PTCD2: variants seen among roughly 807,000 people sequenced by gnomAD.
PTCD2 encodes pentatricopeptide repeat domain 2, also known as pentatricopeptide repeat-containing protein 2, mitochondrial.
Under a neutral mutation model 42.6 loss-of-function variants are expected in PTCD2, and 31 were observed. That is an observed-to-expected ratio of 0.73 (90% CI 0.55 to 0.98). The LOEUF (loss-of-function observed/expected upper bound fraction) is 0.98. Ranked by LOEUF, PTCD2 falls within the 50% of genes least tolerant of loss-of-function variation. The pLI, the probability that PTCD2 is intolerant of heterozygous loss-of-function variation, is 0.00. For missense variants in PTCD2, 476 were observed against 454.8 expected, an observed-to-expected ratio of 1.05 and a Z score of -0.42; for synonymous variants, 183 against 170.9, an observed-to-expected ratio of 1.07 and a Z score of -0.55.
In PTCD2 at chr5:72,331,293, A is replaced by C. The variant is rs779098730; in HGVS notation, c.386A>C (p.Glu129Ala). 6.2e-7 allele frequency: 1 copy of C among 1,613,788 alleles called. No homozygotes were observed. Among genetic ancestry groups the C allele is most frequent in the Non-Finnish European group, 8.5e-7 (1 of 1,179,804 alleles). Residue 129 changes from glutamate to alanine, a missense_variant, in exon 4 of 10, where the codon GAG (glutamate) becomes GCG (alanine). Physicochemically the swap from Glu to Ala is moderately radical, Grantham distance 107. Coordinates refer to ENST00000380639, the MANE Select transcript of PTCD2 (RefSeq NM_024754.5). Reference protein sequence around the residue: ...HAENKNFTLGEYKFGPLFVRL... With the variant: ...HAENKNFTLGAYKFGPLFVRL... ...GAGAACAAAAATTTCACTTTGGGGG[A>C]GTATAAATTTGGACCGCTTTTTGTG...
At chr5:72,320,662 G>A (rs1750777511) in intron 1 of PTCD2, 153 bp downstream of exon 1, 1 of 1,010,886 alleles carries the variant, frequency 9.9e-7, no homozygotes, top group Non-Finnish European at 1.5e-6. Context: ...TGGGTGCAGT[G>A]GTGACCACTG....
Position 72,331,358 on chromosome 5 carries a change from G to C in PTCD2, c.451G>C (p.Glu151Gln). Reference protein sequence around the residue: ...YELDLEESAVELMKDQHLRGF... With the variant: ...YELDLEESAVQLMKDQHLRGF... ...GTTGGATCTCGAGGAATCTGCAGTG[G>C]AGCTCATGAAAGACCAGGTTATTGT... Residue 151 changes from glutamate to glutamine, a missense_variant, in exon 4 of 10, where the codon GAG (glutamate) becomes CAG (glutamine). By Grantham distance (29) the Glu-to-Gln change is conservative. Coordinates refer to ENST00000380639, the MANE Select transcript of PTCD2 (RefSeq NM_024754.5). The C allele has an allele frequency of 6.2e-7, 1 of 1,611,922 alleles. No homozygotes were observed. Among genetic ancestry groups the C allele is most frequent in the Non-Finnish European group, 8.5e-7 (1 of 1,177,970 alleles).
At position 72,367,035 on chromosome 5, in the gene PTCD2, G is replaced by A; in HGVS notation, c.*8608G>A. 6.6e-6 allele frequency: 1 copy of A among 152,168 alleles called. No individual in the cohort carries two copies. Among genetic ancestry groups the A allele is most frequent in the Non-Finnish European group, 1.5e-5 (1 of 68,026 alleles). The allele number at this position is 152,168 out of a possible 1,614,324, so 9.4% of individuals were successfully genotyped here. Reference sequence around the variant, plus strand: ...GAAGTAAAAAGGAATTAGGATCTTGGTTATTTTGATTGTCTCTCTACCCTT... The same window carrying A: ...GAAGTAAAAAGGAATTAGGATCTTGATTATTTTGATTGTCTCTCTACCCTT... On this transcript the variant is annotated 3_prime_UTR_variant, in exon 10 of 10. Transcript: ENST00000380639.
chr5:72,339,119 C>T (rs1195277826), intron 7 of PTCD2, among the ~76,000 whole-genome samples: 1 of 152,188 alleles, frequency 6.6e-6, no homozygotes, highest in Non-Finnish European at 1.5e-5. Context: ...GGATCCATCA[C>T]ATATTTCATA....
intron 3 of PTCD2, among the ~76,000 whole-genome samples, chr5:72,330,693 A>C (rs187477802): frequency 1.2e-3 from 178 of 152,354 alleles, no homozygotes; most frequent in African/African-American, 4.1e-3. Context: ...GCCTTTTCCT[A>C]AAACTTAAAC....
chr5:72,320,631 C>T (rs760337327), intron 1 of PTCD2, 122 bp downstream of exon 1: 14 of 1,396,240 alleles, frequency 1.0e-5, no homozygotes, highest in Non-Finnish European at 1.4e-5. Flanking sequence ...CTGGAGCGCA[C>T]CCTCGCCCTC....
At chr5:72,339,556 T>A (rs965555707) in intron 7 of PTCD2, among the ~76,000 whole-genome samples, 1 of 152,198 alleles carries the variant, frequency 6.6e-6, no homozygotes, top group Non-Finnish European at 1.5e-5. Context: ...CTTCCCAGCC[T>A]TCTGCTGGGC....
chr5:72,339,625 T>C (rs1021636392), intron 7 of PTCD2, among the ~76,000 whole-genome samples: 1 of 152,182 alleles, frequency 6.6e-6, no homozygotes, highest in Non-Finnish European at 1.5e-5. Context: ...TTATTTTGTC[T>C]TCTTAGTCAG....
At chr5:72,350,052 T>C (rs767484860) in intron 8 of PTCD2, among the ~76,000 whole-genome samples, 24 of 152,206 alleles carry the variant, frequency 1.6e-4, no homozygotes, top group Admixed American at 6.5e-4. Flanking sequence ...CTCCTCTTCT[T>C]GTTTATTGTT....
chr5:72,358,437 C>CA lies in PTCD2; in HGVS notation c.*11dup, dbSNP rs761696803. The CA allele has an allele frequency of 1.4e-5, 23 of 1,602,136 alleles. No individual in the cohort carries two copies. The Admixed American group carries it at 2.8e-4, about 20-fold the overall frequency. ...CCTGTTGGCTGAGTAACCCTGGTTTCAGTCCACCTATGGATCTGAGGGGCC... is the reference window on the plus strand; with the variant it reads ...CCTGTTGGCTGAGTAACCCTGGTTTCAAGTCCACCTATGGATCTGAGGGGCC... On this transcript the variant is annotated 3_prime_UTR_variant, in exon 10 of 10. Transcript: ENST00000380639.
intron 6 of PTCD2, among the ~76,000 whole-genome samples, chr5:72,337,007 A>T (rs1241747462): frequency 6.6e-6 from 1 of 152,156 alleles, no homozygotes; most frequent in Non-Finnish European, 1.5e-5. Context: ...GCTGGGTTAT[A>T]GTGGAAAGAA....
At chr5:72,348,719 G>A (rs1013726676) in intron 8 of PTCD2, among the ~76,000 whole-genome samples, 67 of 152,204 alleles carry the variant, frequency 4.4e-4, no homozygotes, top group African/African-American at 1.5e-3. Flanking sequence ...TCCACTGATC[G>A]TATTTGAATT....
chr5:72,343,500 T>G (rs1190724835), intron 8 of PTCD2, among the ~76,000 whole-genome samples: 1 of 152,234 alleles, frequency 6.6e-6, no homozygotes, highest in African/African-American at 2.4e-5. Flanking sequence ...GCCTGACATG[T>G]GGTAAGCATT....
intron 2 of PTCD2, among the ~76,000 whole-genome samples, 182 bp downstream of exon 2, chr5:72,322,446 C>A (rs1469780497): frequency 3.3e-5 from 5 of 152,202 alleles, no homozygotes; most frequent in Non-Finnish European, 4.4e-5. Flanking sequence ...GCTGCTACAA[C>A]GTCTACAGCT....
intron 9 of PTCD2, among the ~76,000 whole-genome samples, chr5:72,356,052 G>T (rs1034064821): frequency 1.3e-5 from 2 of 152,158 alleles, no homozygotes; most frequent in Non-Finnish European, 2.9e-5. Context: ...TTGATTTAAC[G>T]CTTCTTTCTA....
chr5:72,331,426 A>T, intron 4 of PTCD2, 51 bp downstream of exon 4: 2 of 1,277,542 alleles, frequency 1.6e-6, no homozygotes, highest in Non-Finnish European at 2.3e-6. Context: ...TTTTGGTGAT[A>T]TTGGAAAAGG....
intron 7 of PTCD2, among the ~76,000 whole-genome samples, chr5:72,341,984 G>GCA (rs1752088497): frequency 6.6e-6 from 1 of 152,062 alleles, no homozygotes; most frequent in Non-Finnish European, 1.5e-5. Flanking sequence ...GGCTGAGCTT[G>GCA]CAGTGAGCTG....
chr5:72,348,764 A>G (rs1580181045), intron 8 of PTCD2, among the ~76,000 whole-genome samples: 1 of 152,234 alleles, frequency 6.6e-6, no homozygotes, highest in Non-Finnish European at 1.5e-5. Context: ...CATGTCTCCA[A>G]TTGGAGATCC....
intron 5 of PTCD2, among the ~76,000 whole-genome samples, chr5:72,335,402 T>TTGCGCCAC (rs1179478343): frequency 2.0e-5 from 3 of 150,804 alleles, no homozygotes; most frequent in Non-Finnish European, 4.4e-5. Flanking sequence ...TGAGCCGAGA[T>TTGCGCCAC]TGCGCCACTG....
Sources: gnomAD v4.1 joint callset for allele counts (sites outside exome capture counted in the v4.1 genomes callset) on GRCh38, gnomAD v4.1.1 for gene constraint, MANE v1.5 for transcripts, NCBI Gene and HGNC (gene_info 2026-07-23, HGNC 2026-07-21) for gene names.